TMEM132C: variants seen among roughly 807,000 people sequenced by gnomAD.
TMEM132C encodes transmembrane protein 132C, also known as protein phosphatase 1, regulatory subunit 152.
Under a neutral mutation model 61.4 loss-of-function variants are expected in TMEM132C, and 29 were observed. That is an observed-to-expected ratio of 0.47 (90% CI 0.35 to 0.64). TMEM132C has a LOEUF of 0.64. Among genes scored for constraint, TMEM132C ranks in the 30% least tolerant of loss-of-function variants. The pLI is 0.00. For missense variants in TMEM132C, 1,408 were observed against 1,476.9 expected, an observed-to-expected ratio of 0.95 and a Z score of 0.76; for synonymous variants, 656 against 633.1, an observed-to-expected ratio of 1.04 and a Z score of -0.54.
chr12:128,692,157 A>G (rs1379742550), intron 5 of TMEM132C, among the ~76,000 whole-genome samples: 1 of 151,986 alleles, frequency 6.6e-6, no homozygotes, highest in Non-Finnish European at 1.5e-5. Context: ...CCAGCTATCT[A>G]CCCATTTGTC....
chr12:128,373,440 T>C (rs757705944), intron 1 of TMEM132C, among the ~76,000 whole-genome samples: 5 of 152,218 alleles, frequency 3.3e-5, no homozygotes, highest in African/African-American at 4.8e-5. Context: ...CCAATTATCA[T>C]TGCCTTGCTG....
chr12:128,468,566 G>A (rs574888631), intron 2 of TMEM132C, among the ~76,000 whole-genome samples: 1 of 152,072 alleles, frequency 6.6e-6, no homozygotes, highest in East Asian at 1.9e-4. Context: ...TGATCCGCCC[G>A]CCTCGGCCTC....
chr12:128,677,261 C>T (rs910373133), intron 5 of TMEM132C, among the ~76,000 whole-genome samples: 9 of 152,116 alleles, frequency 5.9e-5, no homozygotes, highest in Admixed American at 5.2e-4. Flanking sequence ...TTTCACAGGT[C>T]ACATGACAAT....
intron 5 of TMEM132C, among the ~76,000 whole-genome samples, chr12:128,681,747 G>A (rs1347530264): frequency 2.0e-5 from 3 of 149,038 alleles, no homozygotes; most frequent in Non-Finnish European, 4.4e-5. Context: ...TCCACCTCCC[G>A]GGTTCAAGTG....
intron 3 of TMEM132C, among the ~76,000 whole-genome samples, chr12:128,548,913 G>C (rs1002623390): frequency 6.6e-6 from 1 of 152,136 alleles, no homozygotes; most frequent in African/African-American, 2.4e-5. Context: ...AGGAGGATGC[G>C]CATAGGTTGT....
At position 128,617,329 on chromosome 12, in the gene TMEM132C, A is replaced by AG. The variant is rs1339996086; in HGVS notation, c.1305+994_1305+995insG. ...CCGGCAATGCCACGCTGGCTTCTTC[A>AG]CAGCATCATGTCCAGCAAGAAATGA... On this transcript the variant is annotated intron_variant, in intron 4 of 8. Transcript: ENST00000435159. 3.3e-5 allele frequency among the ~76,000 whole-genome samples: 5 copies of AG among 152,200 alleles called. No homozygotes were observed. In the East Asian group the frequency reaches 9.6e-4, roughly 29 times the overall value.
At chr12:128,348,402 A>G (rs537899788) in intron 1 of TMEM132C, among the ~76,000 whole-genome samples, 8 of 152,342 alleles carry the variant, frequency 5.3e-5, no homozygotes, top group South Asian at 2.1e-4. Flanking sequence ...CTTCCTTTCT[A>G]ATCTAGATGC....
intron 2 of TMEM132C, among the ~76,000 whole-genome samples, chr12:128,431,458 T>C (rs1869383673): frequency 6.6e-6 from 1 of 151,998 alleles, no homozygotes; most frequent in Non-Finnish European, 1.5e-5. Context: ...CTAGCTAAGA[T>C]CGTCGATGAG....
chr12:128,296,388 C>G (rs78690697), intron 1 of TMEM132C, among the ~76,000 whole-genome samples: 280 of 152,302 alleles, frequency 1.8e-3, no homozygotes, highest in African/African-American at 6.4e-3. Flanking sequence ...TTCTGTCTCT[C>G]TAATGACATC....
At position 128,581,791 on chromosome 12, in the gene TMEM132C, T is replaced by C. The variant is rs77559285; in HGVS notation, c.1122-34361T>C. Among the ~76,000 whole-genome samples the C allele has an allele frequency of 4.5e-3, 686 of 152,290 alleles. 3 individuals are homozygous for C. The highest frequency in any genetic ancestry group is 0.016 in the African/African-American group (655 of 41,544). On this transcript the variant is annotated intron_variant, in intron 3 of 8. Coordinates refer to ENST00000435159, the MANE Select transcript of TMEM132C (RefSeq NM_001136103.3). ...TATGAGGAAATGGAGAAAGCAGATGTTTTATTCAGATTCCCCGAAGAGATG... is the reference window on the plus strand; with the variant it reads ...TATGAGGAAATGGAGAAAGCAGATGCTTTATTCAGATTCCCCGAAGAGATG...
intron 5 of TMEM132C, among the ~76,000 whole-genome samples, chr12:128,682,142 C>T (rs1457293420): frequency 6.6e-6 from 1 of 152,154 alleles, no homozygotes; most frequent in Non-Finnish European, 1.5e-5. Flanking sequence ...TTGGCTTAGG[C>T]CATCGTCACA....
intron 1 of TMEM132C, among the ~76,000 whole-genome samples, chr12:128,350,121 T>C (rs1873290287): frequency 6.6e-6 from 1 of 152,226 alleles, no homozygotes; most frequent in South Asian, 2.1e-4. Flanking sequence ...TTATCAAAAA[T>C]GAAGAATTTT....
chr12:128,603,445 A>G (rs1876278075), intron 3 of TMEM132C, among the ~76,000 whole-genome samples: 1 of 152,188 alleles, frequency 6.6e-6, no homozygotes, highest in Admixed American at 6.5e-5. Flanking sequence ...AAACTGGCTC[A>G]AAGTGAGGAC....
chr12:128,559,720 C>T (rs963384469), intron 3 of TMEM132C, among the ~76,000 whole-genome samples: 5 of 152,144 alleles, frequency 3.3e-5, no homozygotes, highest in Admixed American at 6.5e-5. Context: ...GAGCCAGCCC[C>T]GTGACTCCTG....
chr12:128,534,560 C>T (rs1873449947), intron 2 of TMEM132C, among the ~76,000 whole-genome samples: 1 of 152,232 alleles, frequency 6.6e-6, no homozygotes, highest in African/African-American at 2.4e-5. Context: ...CTCCATGCAG[C>T]CTGGCTGAGC....
chr12:128,394,110 G>A (rs762478386), intron 1 of TMEM132C, among the ~76,000 whole-genome samples: 2 of 152,184 alleles, frequency 1.3e-5, no homozygotes, highest in Non-Finnish European at 2.9e-5. Flanking sequence ...TGAAAGGCGT[G>A]TCTTACATGG....
At chr12:128,349,756 A>G (rs537526639) in intron 1 of TMEM132C, among the ~76,000 whole-genome samples, 25 of 152,278 alleles carry the variant, frequency 1.6e-4, no homozygotes, top group African/African-American at 6.0e-4. Flanking sequence ...CTTTGGTGGC[A>G]GTAATGCAAA....
chr12:128,319,127 T>A (rs1393306273), intron 1 of TMEM132C, among the ~76,000 whole-genome samples: 2 of 152,142 alleles, frequency 1.3e-5, no homozygotes, highest in Non-Finnish European at 1.5e-5. Context: ...GGATCTGGAC[T>A]CTCTGCTCGT....
intron 1 of TMEM132C, among the ~76,000 whole-genome samples, chr12:128,410,720 T>A (rs999146630): frequency 2.6e-5 from 4 of 152,114 alleles, no homozygotes; most frequent in Admixed American, 2.6e-4. Context: ...ATGTGTTTTT[T>A]AAAATAAAGA....
Sources: allele counts gnomAD v4.1 joint callset (sites outside exome capture counted in the v4.1 genomes callset), GRCh38; gene constraint gnomAD v4.1.1; transcripts MANE v1.5; gene names NCBI Gene and HGNC (gene_info 2026-07-23, HGNC 2026-07-21).